ANO3: variants seen among roughly 807,000 people sequenced by gnomAD.
ANO3 encodes the protein anoctamin-3.
Under a neutral mutation model 144.8 loss-of-function variants are expected in ANO3, and 99 were observed. The ratio of observed to expected loss-of-function variants is 0.68; its 90% CI spans 0.58 to 0.81. The LOEUF is 0.81. ANO3 is among the 30% of genes least tolerant of loss of function. The pLI is 0.00. For missense variants in ANO3, 905 were observed against 1,202.2 expected, an observed-to-expected ratio of 0.75 and a Z score of 3.66; for synonymous variants, 414 against 392.6, an observed-to-expected ratio of 1.05 and a Z score of -0.64.
chr11:26,238,811 TAA>T, intron 1 of ANO3, among the ~76,000 whole-genome samples: 2 of 152,192 alleles, frequency 1.3e-5, no homozygotes, highest in African/African-American at 4.8e-5. Flanking sequence ...ACTTGTTGCC[TAA>T]TAATTCATTA....
upstream of ANO3, among the ~76,000 whole-genome samples, chr11:26,331,016 C>T (rs1211886636): frequency 6.6e-6 from 1 of 152,124 alleles, no homozygotes; most frequent in Admixed American, 6.5e-5. Context: ...AATCAGGGAG[C>T]AGAGATAGAT....
chr11:26,385,466 G>A (rs1856698065), intron 1 of ANO3, among the ~76,000 whole-genome samples: 1 of 152,282 alleles, frequency 6.6e-6, no homozygotes, highest in East Asian at 1.9e-4. Context: ...TCTGCAGGTT[G>A]TAGGGGAAAA....
chr11:26,534,374 C>A, intron 8 of ANO3, 82 bp from the exon 9 acceptor site: 1 of 832,648 alleles, frequency 1.2e-6, no homozygotes, highest in Non-Finnish European at 2.0e-6. Context: ...GCTTCATATG[C>A]ATTAGCTTTA....
chr11:26,274,323 C>G (rs1194342770), intron 1 of ANO3, among the ~76,000 whole-genome samples: 1 of 152,018 alleles, frequency 6.6e-6, no homozygotes, highest in East Asian at 1.9e-4. Context: ...ACAATCTGCT[C>G]TATCTACCAC....
chr11:26,626,974 A>G (rs889731320), intron 18 of ANO3, among the ~76,000 whole-genome samples: 1 of 152,122 alleles, frequency 6.6e-6, no homozygotes, highest in African/African-American at 2.4e-5. Flanking sequence ...GCAGTGTCTT[A>G]AGTAGGCAAT....
At chr11:26,493,889 C>A (rs1034710257) in intron 4 of ANO3, among the ~76,000 whole-genome samples, 4 of 152,130 alleles carry the variant, frequency 2.6e-5, no homozygotes, top group Admixed American at 2.6e-4. Flanking sequence ...ACTCTAAATA[C>A]CTTCTTTCAA....
chr11:26,429,803 A>G (rs537666719), intron 1 of ANO3, among the ~76,000 whole-genome samples: 83 of 152,238 alleles, frequency 5.5e-4, no homozygotes, highest in Non-Finnish European at 1.1e-3. Context: ...AAAATGTAAT[A>G]GTTATAAATA....
intron 1 of ANO3, among the ~76,000 whole-genome samples, chr11:26,224,538 A>G (rs879275622): frequency 5.3e-5 from 8 of 152,170 alleles, no homozygotes; most frequent in Non-Finnish European, 1.0e-4. Flanking sequence ...CTCCTCCAAT[A>G]GTACCCTTAT....
At chr11:26,399,933 T>G (rs1337843716) in intron 1 of ANO3, among the ~76,000 whole-genome samples, 1 of 152,012 alleles carries the variant, frequency 6.6e-6, no homozygotes, top group Non-Finnish European at 1.5e-5. Flanking sequence ...TATTCTACAG[T>G]CTACAAAGTC....
intron 1 of ANO3, among the ~76,000 whole-genome samples, chr11:26,320,764 T>G (rs554622829): frequency 1.3e-5 from 2 of 152,162 alleles, no homozygotes; most frequent in African/African-American, 4.8e-5. Flanking sequence ...ATATTAATAT[T>G]ACCATTTCTG....
intron 4 of ANO3, among the ~76,000 whole-genome samples, chr11:26,476,895 GTGTGTGTA>G (rs1217524278): frequency 2.4e-4 from 29 of 121,098 alleles, no homozygotes; most frequent in African/African-American, 7.9e-4. Context: ...AATTTTGTGT[GTGTGTGTA>G]TGTGTGTGTG....
At chr11:26,460,262 ATTTTC>A (rs1859338219) in intron 3 of ANO3, 1 of 291,736 alleles carries the variant, frequency 3.4e-6, no homozygotes, top group African/African-American at 2.3e-5. Flanking sequence ...TTATTGAAAA[ATTTTC>A]TTTGCTTTCC....
intron 1 of ANO3, among the ~76,000 whole-genome samples, chr11:26,415,305 T>G (rs967576886): frequency 6.6e-6 from 1 of 152,144 alleles, no homozygotes; most frequent in African/African-American, 2.4e-5. Context: ...CACCTAATAG[T>G]GTACTTAGAA....
chr11:26,240,080 A>G (rs904298473), intron 1 of ANO3, among the ~76,000 whole-genome samples: 1 of 152,178 alleles, frequency 6.6e-6, no homozygotes, highest in Non-Finnish European at 1.5e-5. Flanking sequence ...CAAATTACTT[A>G]ACTCCTCCGT....
intron 10 of ANO3, among the ~76,000 whole-genome samples, chr11:26,541,518 C>G (rs193035951): frequency 1.1e-4 from 17 of 152,206 alleles, no homozygotes; most frequent in African/African-American, 4.1e-4. Flanking sequence ...AACACTTACT[C>G]TCTTCCTTAG....
At chr11:26,325,522 A>G (rs2133882563) in intron 1 of ANO3, among the ~76,000 whole-genome samples, 1 of 152,330 alleles carries the variant, frequency 6.6e-6, no homozygotes, top group Non-Finnish European at 1.5e-5. Flanking sequence ...TGTAGTTGGA[A>G]GATTAATTAT....
chr11:26,260,145 C>T (rs895821221), intron 1 of ANO3, among the ~76,000 whole-genome samples: 2 of 149,784 alleles, frequency 1.3e-5, no homozygotes, highest in African/African-American at 2.5e-5. Context: ...AGGGATAATT[C>T]TGGCACAGGC....
In ANO3 at chr11:26,301,103, C is replaced by T. The variant is rs1000053794; in HGVS notation, c.155-8542C>T. ...TCCTGACCTCGAGATCCACCTGCCTCGGCCTCCCAAAGTGCTGGGATTACA... is the reference window on the plus strand; with the variant it reads ...TCCTGACCTCGAGATCCACCTGCCTTGGCCTCCCAAAGTGCTGGGATTACA... On this transcript the variant is annotated intron_variant, in intron 1 of 27. Coordinates refer to the ANO3 transcript ENST00000672621. Among the ~76,000 whole-genome samples the T allele has an allele frequency of 7.4e-5, 10 of 135,114 alleles. 1 individual carries two copies. The highest frequency in any genetic ancestry group is 2.3e-4 in the African/African-American group (7 of 30,404). 88.6% of individuals were successfully genotyped at this position (135,114 alleles called of 152,430 possible). A position where few individuals can be genotyped will look rare whatever the true frequency, so the allele number is the denominator to read the frequency against.
rs185223002 is a variant in ANO3 at position 26,247,856 on chromosome 11, A to T, written c.154+58526A>T. ...TGATTCTCCTTGCCTCAGCCTCCCG[A>T]GTAGCTGAGATTACAGGTGCCTGCC... On this transcript the variant is annotated intron_variant, in intron 1 of 27. Transcript: ENST00000672621. Among the ~76,000 whole-genome samples, 336 of 150,006 alleles carry T rather than the reference A, an allele frequency of 2.2e-3. 1 individual carries two copies. Among genetic ancestry groups the T allele is most frequent in the African/African-American group, 7.9e-3 (320 of 40,724 alleles).
Sources: gnomAD v4.1 joint callset for allele counts (sites outside exome capture counted in the v4.1 genomes callset) on GRCh38, gnomAD v4.1.1 for gene constraint, MANE v1.5 for transcripts, NCBI Gene and HGNC (gene_info 2026-07-23, HGNC 2026-07-21) for gene names.